NTM: variants seen among roughly 807,000 people sequenced by gnomAD.
NTM encodes the protein neurotrimin, also known as IgLON family member 2.
Under a neutral mutation model 42.1 loss-of-function variants are expected in NTM, and 13 were observed. That is an observed-to-expected ratio of 0.31 (90% confidence interval 0.20 to 0.49). The LOEUF (loss-of-function observed/expected upper bound fraction) is 0.49, where lower values mean the gene tolerates loss of function less well. NTM is among the 20% of genes least tolerant of loss of function. The probability of loss-of-function intolerance (pLI) is 0.99; values close to 1 mark genes in which losing one functional copy is unlikely to be tolerated. For synonymous variants in NTM, 187 were observed against 179.2 expected, an observed-to-expected ratio of 1.04 and a Z score of -0.35; for missense variants, 373 against 452.8, an observed-to-expected ratio of 0.82 and a Z score of 1.60.
intron 2 of NTM, among the ~76,000 whole-genome samples, chr11:132,126,684 G>T (rs565718663): frequency 6.6e-6 from 1 of 152,344 alleles, no homozygotes; most frequent in South Asian, 2.1e-4. Context: ...AAGAGGGCAA[G>T]AATGGAAATG....
chr11:131,732,067 G>C (rs1275592435), intron 1 of NTM, among the ~76,000 whole-genome samples: 1 of 151,992 alleles, frequency 6.6e-6, no homozygotes, highest in African/African-American at 2.4e-5. Context: ...AAACTCTCTG[G>C]ACCCCCACGT....
At chr11:131,885,451 T>C (rs945219998) in intron 1 of NTM, among the ~76,000 whole-genome samples, 2 of 152,176 alleles carry the variant, frequency 1.3e-5, no homozygotes, top group African/African-American at 4.8e-5. Context: ...TGCTGACATG[T>C]CGTCTGTATC....
chr11:131,376,169 G>A (rs557388949), intron 1 of NTM, among the ~76,000 whole-genome samples: 1 of 152,268 alleles, frequency 6.6e-6, no homozygotes, highest in South Asian at 2.1e-4. Context: ...AAGCGGGGAG[G>A]GAGGCCAACG....
At chr11:132,167,696 G>A (rs903822124) in intron 3 of NTM, among the ~76,000 whole-genome samples, 1 of 152,146 alleles carries the variant, frequency 6.6e-6, no homozygotes, top group Non-Finnish European at 1.5e-5. Flanking sequence ...ATAATGTATT[G>A]TATTATACAT....
chr11:131,976,660 A>C (rs1354641164), intron 2 of NTM, among the ~76,000 whole-genome samples: 1 of 152,204 alleles, frequency 6.6e-6, no homozygotes, highest in Non-Finnish European at 1.5e-5. Flanking sequence ...AATAGTAAAA[A>C]TAAAATGTCC....
chr11:131,754,387 G>T (rs1159241105), intron 1 of NTM, among the ~76,000 whole-genome samples: 3 of 152,156 alleles, frequency 2.0e-5, no homozygotes, highest in Non-Finnish European at 4.4e-5. Flanking sequence ...CACTTTGGGA[G>T]GCCAAGGCAG....
At chr11:132,177,737 T>A (rs1235465422) in intron 3 of NTM, among the ~76,000 whole-genome samples, 3 of 152,188 alleles carry the variant, frequency 2.0e-5, no homozygotes, top group Admixed American at 2.0e-4. Flanking sequence ...ATCTTGTTGT[T>A]GAAGGCAATG....
At chr11:131,982,424 G>T (rs1030759028) in intron 2 of NTM, among the ~76,000 whole-genome samples, 3 of 152,096 alleles carry the variant, frequency 2.0e-5, no homozygotes, top group East Asian at 1.9e-4. Context: ...TGGCAGGAAT[G>T]GAGAGACACG....
At chr11:131,603,886 A>G in intron 1 of NTM, among the ~76,000 whole-genome samples, 1 of 152,182 alleles carries the variant, frequency 6.6e-6, no homozygotes, top group East Asian at 1.9e-4. Context: ...TTATGGTCAA[A>G]TAATATCCCA....
intron 4 of NTM, among the ~76,000 whole-genome samples, chr11:132,295,776 G>A (rs2094588089): frequency 6.6e-6 from 1 of 152,224 alleles, no homozygotes. Flanking sequence ...CACATTCCAT[G>A]CCACGGAGCA....
chr11:131,635,408 T>G (rs2064231720), intron 1 of NTM, among the ~76,000 whole-genome samples: 1 of 152,156 alleles, frequency 6.6e-6, no homozygotes, highest in Admixed American at 6.5e-5. Context: ...TGTTTGTGTC[T>G]TAGTTTTTAA....
chr11:132,262,213 T>C (rs2092905274), intron 4 of NTM, among the ~76,000 whole-genome samples: 1 of 152,150 alleles, frequency 6.6e-6, no homozygotes, highest in Non-Finnish European at 1.5e-5. Context: ...CCCAGAGAAT[T>C]ATTTGTTAGC....
chr11:131,485,467 A>C (rs867043882), intron 1 of NTM, among the ~76,000 whole-genome samples: 1 of 152,244 alleles, frequency 6.6e-6, no homozygotes, highest in South Asian at 2.1e-4. Flanking sequence ...ACTCCAGGTG[A>C]ATGTTCGAGG....
intron 2 of NTM, among the ~76,000 whole-genome samples, chr11:131,919,025 C>T (rs1344500140): frequency 1.3e-5 from 2 of 152,034 alleles, no homozygotes; most frequent in East Asian, 1.9e-4. Context: ...TCAAGGCAGA[C>T]ACCAATTCTA....
intron 1 of NTM, among the ~76,000 whole-genome samples, chr11:131,377,295 T>G (rs987184598): frequency 2.0e-5 from 3 of 152,202 alleles, no homozygotes; most frequent in African/African-American, 7.2e-5. Flanking sequence ...GTGAGTTCAC[T>G]GTCTTTGTGG....
chr11:131,676,479 G>A (rs189132442), intron 1 of NTM, among the ~76,000 whole-genome samples: 15 of 152,234 alleles, frequency 9.9e-5, no homozygotes, highest in East Asian at 3.9e-4. Context: ...ATGCGTGTGC[G>A]GGGGTATGCC....
At chr11:131,585,465 C>A (rs1161503061) in intron 1 of NTM, among the ~76,000 whole-genome samples, 2 of 152,082 alleles carry the variant, frequency 1.3e-5, no homozygotes, top group African/African-American at 4.8e-5. Context: ...GTAGAGGGGA[C>A]CCCCCAGCAG....
chr11:132,122,121 G>C (rs1245369304), intron 2 of NTM, among the ~76,000 whole-genome samples: 3 of 152,230 alleles, frequency 2.0e-5, no homozygotes, highest in African/African-American at 7.2e-5. Context: ...GCTGTAGCAA[G>C]CCATTGTGCT....
intron 1 of NTM, among the ~76,000 whole-genome samples, chr11:131,556,276 C>T (rs1408155796): frequency 2.0e-5 from 3 of 152,160 alleles, no homozygotes; most frequent in African/African-American, 7.2e-5. Flanking sequence ...CTCTCCCCTT[C>T]CCCCAAACAG....
Sources: gnomAD v4.1 joint callset for allele counts (sites outside exome capture counted in the v4.1 genomes callset) on GRCh38, gnomAD v4.1.1 for gene constraint, MANE v1.5 for transcripts, NCBI Gene and HGNC (gene_info 2026-07-23, HGNC 2026-07-21) for gene names.